Variants in FAT3 observed in about 807,000 individuals in gnomAD.
The protein encoded by FAT3 is FAT atypical cadherin 3, also known as protocadherin Fat 3.
Under a neutral mutation model 310.2 loss-of-function variants are expected in FAT3, and 95 were observed. The ratio of observed to expected loss-of-function variants is 0.31; its 90% confidence interval spans 0.26 to 0.36. The LOEUF (loss-of-function observed/expected upper bound fraction) is 0.36, where lower values mean the gene tolerates loss of function less well. FAT3 is among the 10% of genes least tolerant of loss of function. The pLI is 1.00. For missense variants in FAT3, 5,408 were observed against 5,715.6 expected, an observed-to-expected ratio of 0.95 and a Z score of 1.74; for synonymous variants, 2,314 against 2,192.9, an observed-to-expected ratio of 1.06 and a Z score of -1.54.
chr11:92,422,972 T>C (rs1029766588), intron 2 of FAT3, among the ~76,000 whole-genome samples: 9 of 152,016 alleles, frequency 5.9e-5, no homozygotes, highest in African/African-American at 2.2e-4. Flanking sequence ...CCCTTCTCTA[T>C]GTCTGTCACT....
intron 2 of FAT3, among the ~76,000 whole-genome samples, chr11:92,456,522 T>C (rs575312623): frequency 6.6e-6 from 1 of 152,254 alleles, no homozygotes; most frequent in African/African-American, 2.4e-5. Context: ...ATAAAAGCAG[T>C]GAATGGACAT....
intron 5 of FAT3, 119 bp downstream of exon 5, chr11:92,762,289 G>A: frequency 9.6e-7 from 1 of 1,046,118 alleles, no homozygotes; most frequent in Non-Finnish European, 1.4e-6. Context: ...CACAGCTGTG[G>A]AAGGGTTCTT....
chr11:92,420,783 A>G (rs1245138359), intron 2 of FAT3, among the ~76,000 whole-genome samples: 1 of 152,202 alleles, frequency 6.6e-6, no homozygotes, highest in Non-Finnish European at 1.5e-5. Context: ...TAAGCTCCCA[A>G]AGGAACACTT....
intron 3 of FAT3, among the ~76,000 whole-genome samples, chr11:92,617,058 A>G (rs1940846545): frequency 1.3e-5 from 2 of 152,306 alleles, no homozygotes; most frequent in African/African-American, 4.8e-5. Context: ...CCTGGATAAT[A>G]TCCTGTAGAG....
chr11:92,784,760 G>T (rs1946843819), intron 7 of FAT3, among the ~76,000 whole-genome samples: 1 of 152,122 alleles, frequency 6.6e-6, no homozygotes, highest in Non-Finnish European at 1.5e-5. Context: ...CTTTTACTGA[G>T]AAACACTTGT....
chr11:92,324,386 T>TA (rs1486062322), intron 1 of FAT3, among the ~76,000 whole-genome samples: 6 of 152,198 alleles, frequency 3.9e-5, no homozygotes, highest in African/African-American at 1.2e-4. Context: ...CTTGAACACT[T>TA]AGAGGACATT....
At chr11:92,457,465 G>C (rs1178796472) in intron 2 of FAT3, among the ~76,000 whole-genome samples, 2 of 152,002 alleles carry the variant, frequency 1.3e-5, no homozygotes. Flanking sequence ...TCTGTGCAAA[G>C]AACCATGACT....
At chr11:92,875,757 C>T (rs886563939) in intron 22 of FAT3, among the ~76,000 whole-genome samples, 1 of 152,178 alleles carries the variant, frequency 6.6e-6, no homozygotes, top group Non-Finnish European at 1.5e-5. Context: ...ATGACTTAGG[C>T]ACTCAGTCGA....
intron 2 of FAT3, chr11:92,366,514 C>A: frequency 2.1e-6 from 1 of 477,590 alleles, no homozygotes; most frequent in Non-Finnish European, 4.2e-6. Context: ...TGGCCTTACC[C>A]TCGGCAGCCG....
intron 4 of FAT3, among the ~76,000 whole-genome samples, chr11:92,706,594 AT>A (rs1036049486): frequency 2.0e-4 from 31 of 152,096 alleles, no homozygotes; most frequent in African/African-American, 7.0e-4. Context: ...CAACTCCATC[AT>A]TTTTTTTAAA....
intron 18 of FAT3, among the ~76,000 whole-genome samples, chr11:92,843,699 G>T (rs1948603150): frequency 6.6e-6 from 1 of 152,132 alleles, no homozygotes; most frequent in Admixed American, 6.5e-5. Context: ...ACCCCAGCCG[G>T]CTTTATTGTG....
intron 1 of FAT3, among the ~76,000 whole-genome samples, chr11:92,299,914 CT>C (rs1946950919): frequency 6.6e-6 from 1 of 152,094 alleles, no homozygotes; most frequent in African/African-American, 2.4e-5. Flanking sequence ...AGAAAGAAAT[CT>C]ATCTCTTCAG....
chr11:92,850,063 G>A (rs1291872610), intron 19 of FAT3, among the ~76,000 whole-genome samples: 1 of 152,196 alleles, frequency 6.6e-6, no homozygotes, highest in East Asian at 1.9e-4. Context: ...CTTAAAACAT[G>A]TTCGTGATGT....
At chr11:92,745,649 G>A (rs1412970560) in intron 4 of FAT3, among the ~76,000 whole-genome samples, 2 of 149,424 alleles carry the variant, frequency 1.3e-5, no homozygotes, top group Non-Finnish European at 3.0e-5. Flanking sequence ...AAAGTGCAAA[G>A]AAAAGATTTG....
Position 92,792,937 on chromosome 11 carries a change from C to A in FAT3, c.4782C>A (p.Asp1594Glu). 6.2e-7 allele frequency: 1 copy of A among 1,613,680 alleles called. No individual in the cohort carries two copies. The highest frequency in any genetic ancestry group is 1.3e-5 in the African/African-American group (1 of 75,010). Reference protein sequence around the residue: ...AVLQVTALDKDKGENAELIYT... With the variant: ...AVLQVTALDKEKGENAELIYT... Reference sequence around the variant, plus strand: ...TGCAAGTGACGGCTCTGGACAAAGACAAAGGAGAAAATGCAGAACTCATAT... The same window carrying A: ...TGCAAGTGACGGCTCTGGACAAAGAAAAAGGAGAAAATGCAGAACTCATAT... Residue 1594 changes from aspartate (D) to glutamate (E), a missense_variant, in exon 9 of 28, where the codon GAC becomes GAA. By Grantham distance (45) the Asp-to-Glu change is conservative. This residue lies in a region of FAT3 where 4,588 missense variants were observed against 4,809.8 expected (regional missense o/e 0.95). Transcript: ENST00000525166.
chr11:92,571,406 C>T (rs533710692), intron 3 of FAT3, among the ~76,000 whole-genome samples: 16 of 152,242 alleles, frequency 1.1e-4, no homozygotes, highest in South Asian at 6.2e-4. Context: ...CAGCTATCAC[C>T]GCAGGACCTG....
intron 3 of FAT3, among the ~76,000 whole-genome samples, chr11:92,623,480 G>A (rs920514622): frequency 5.3e-5 from 8 of 152,248 alleles, no homozygotes; most frequent in African/African-American, 1.4e-4. Context: ...ATGTCAACTC[G>A]AGTTTTTGTT....
Position 92,353,382 on chromosome 11 carries a change from C to T in FAT3, c.1270C>T (p.Pro424Ser), listed in dbSNP as rs760614096. 3 of 1,613,152 alleles carry T rather than the reference C, an allele frequency of 1.9e-6. No homozygotes were observed. The highest frequency in any genetic ancestry group is 2.5e-6 in the Non-Finnish European group (3 of 1,179,680). Residue 424 changes from proline (P) to serine (S), a missense_variant, in exon 2 of 28, where the codon CCT (proline) becomes TCT (serine). Pro to Ser is a moderately conservative substitution (Grantham distance 74, BLOSUM62 -1). Around this residue, in one of 5 missense-constraint regions of FAT3, gnomAD observed 4,588 missense variants for 4,809.8 expected, o/e 0.95. Transcript: ENST00000525166. The stretch of plus-strand genomic sequence containing the variant: ...GGATGCAGTGTACTTTAAAATTAAT[C>T]CTCGGTCGGGTCTGATTGTTACAGC... Reference protein sequence around the residue: ...GEDAVYFKINPRSGLIVTARP... With the variant: ...GEDAVYFKINSRSGLIVTARP...
In FAT3 at chr11:92,882,808, G is replaced by A. The variant is rs369315276; in HGVS notation, c.12352G>A (p.Gly4118Ser). 3.7e-6 allele frequency: 6 copies of A among 1,611,688 alleles called. No individual in the cohort carries two copies. Among genetic ancestry groups the A allele is most frequent in the Middle Eastern group, 1.6e-4 (1 of 6,084 alleles). ...CGGAGGCTCCTGCGTGAACGTGTTC[G>A]GCTCCTTCCTCTGCAACTGCACGCC... ...ENGGSCVNVF[G>S]SFLCNCTPGY... The change falls in exon 24 of 28, where the codon GGC (glycine) becomes AGC (serine). Residue 4118 changes from glycine (G) to serine (S), a missense_variant. By Grantham distance (56) the Gly-to-Ser change is moderately conservative (BLOSUM62 0). Around this residue, in one of 5 missense-constraint regions of FAT3, gnomAD observed 649 missense variants for 666.2 expected, o/e 0.97. Transcript: ENST00000525166.
Sources: allele counts gnomAD v4.1 joint callset (sites outside exome capture counted in the v4.1 genomes callset), GRCh38; gene constraint gnomAD v4.1.1; regional missense constraint gnomAD v4.1.1; transcripts MANE v1.5; gene names NCBI Gene and HGNC (gene_info 2026-07-23, HGNC 2026-07-21).